The following SPATS2L variants were observed in gnomAD, a reference collection of about 807,000 sequenced individuals.
SPATS2L encodes spermatogenesis associated serine rich 2 like.
SPATS2L carries 30 observed loss-of-function variants against 59.6 expected under a neutral mutation model. The ratio of observed to expected loss-of-function variants is 0.50; its 90% CI spans 0.38 to 0.68. The LOEUF is 0.68. SPATS2L is among the 30% of genes least tolerant of loss of function. The probability of loss-of-function intolerance (pLI) is 0.00; values close to 1 mark genes in which losing one functional copy is unlikely to be tolerated. For missense variants in SPATS2L, 615 were observed against 700.0 expected, an observed-to-expected ratio of 0.88 and a Z score of 1.37; for synonymous variants, 252 against 263.5, an observed-to-expected ratio of 0.96 and a Z score of 0.42.
intron 6 of SPATS2L, among the ~76,000 whole-genome samples, chr2:200,425,004 A>T (rs1216256682): frequency 6.6e-6 from 1 of 151,432 alleles, no homozygotes; most frequent in Non-Finnish European, 1.5e-5. Context: ...TGTCGTTTTT[A>T]CCTTAGCAAT....
At chr2:200,389,135 G>T (rs758519488) in intron 2 of SPATS2L, 88 bp from the exon 3 acceptor site, 22 of 762,362 alleles carry the variant, frequency 2.9e-5, no homozygotes, top group Non-Finnish European at 4.5e-5. Context: ...ATGACCGAAT[G>T]AAGTTGTTTA....
intron 10 of SPATS2L, among the ~76,000 whole-genome samples, chr2:200,468,411 C>T (rs998804652): frequency 2.1e-5 from 3 of 141,128 alleles, no homozygotes; most frequent in African/African-American, 7.8e-5. Flanking sequence ...TTCCAGGAAA[C>T]TAGAGTGGTT....
In SPATS2L at chr2:200,306,733, G is replaced by C. The variant is rs2079024963; in HGVS notation, c.-262G>C. The C allele has an allele frequency of 1.0e-6, 1 of 955,414 alleles. No individual in the cohort carries two copies. The highest frequency in any genetic ancestry group is 1.2e-6 in the Non-Finnish European group (1 of 816,328). The allele number at this position is 955,414 out of a possible 1,614,324, so 59.2% of individuals were successfully genotyped here. A position where few individuals can be genotyped will look rare whatever the true frequency, so the allele number is the denominator to read the frequency against. ...GGAATCCAGTCCGGGGGCCGAGCTGGCTGCGCCCTCCGCTGCAAGCGCCGG... is the reference window on the plus strand; with the variant it reads ...GGAATCCAGTCCGGGGGCCGAGCTGCCTGCGCCCTCCGCTGCAAGCGCCGG... On this transcript the variant is annotated 5_prime_UTR_variant, in exon 1 of 13. Coordinates refer to ENST00000409140, the MANE Select transcript of SPATS2L (RefSeq NM_001100423.2).
At chr2:200,459,086 T>C (rs1001362751) in intron 8 of SPATS2L, among the ~76,000 whole-genome samples, 26 of 152,136 alleles carry the variant, frequency 1.7e-4, no homozygotes, top group African/African-American at 6.0e-4. Flanking sequence ...ACTAGAGAAC[T>C]GGGGGTTGGG....
chr2:200,385,034 A>G (rs768028932), intron 2 of SPATS2L, among the ~76,000 whole-genome samples: 33 of 152,212 alleles, frequency 2.2e-4, no homozygotes, highest in Non-Finnish European at 2.9e-4. Context: ...TTAAATGATA[A>G]TAACAAGGAG....
chr2:200,341,880 T>C (rs1461937694), intron 2 of SPATS2L, among the ~76,000 whole-genome samples: 3 of 151,824 alleles, frequency 2.0e-5, no homozygotes, highest in Non-Finnish European at 4.4e-5. Context: ...TTAGTAGAGA[T>C]GGGGTTTCAC....
At chr2:200,472,706 G>GA in intron 11 of SPATS2L, 126 bp from the exon 12 acceptor site, 1 of 802,232 alleles carries the variant, frequency 1.2e-6, no homozygotes, top group Non-Finnish European at 2.0e-6. Flanking sequence ...TCTTTCAAAA[G>GA]AAAACTTTTT....
intron 6 of SPATS2L, among the ~76,000 whole-genome samples, chr2:200,427,444 T>C (rs2083643695): frequency 6.7e-6 from 1 of 149,920 alleles, no homozygotes; most frequent in South Asian, 2.1e-4. Flanking sequence ...TACATATACA[T>C]ATATATTACA....
Position 200,459,818 on chromosome 2 carries a change from G to C in SPATS2L, c.838G>C (p.Glu280Gln), listed in dbSNP as rs1469694556. ...SLMAEMDKVK[E>Q]EAMEILTARQ... is the part of the protein sequence containing the mutation. ...AATGGCAGAAATGGATAAAGTTAAA[G>C]AAGAAGCCAGTAAGTAGACAACACA... The change falls in exon 9 of 13, where the codon GAA (glutamate) becomes CAA (glutamine). Residue 280 changes from glutamate to glutamine, a missense_variant. By Grantham distance (29) the Glu-to-Gln change is conservative. This residue lies in a region of SPATS2L where 104 missense variants were observed against 162.5 expected (regional missense o/e 0.64). Coordinates refer to ENST00000409140, the MANE Select transcript of SPATS2L (RefSeq NM_001100423.2). The C allele has an allele frequency of 7.4e-6, 12 of 1,610,842 alleles. No homozygotes were observed. The East Asian group carries it at 1.1e-4, about 15-fold the overall frequency.
At chr2:200,391,589 G>A (rs150952382) in intron 3 of SPATS2L, among the ~76,000 whole-genome samples, 1 of 152,306 alleles carries the variant, frequency 6.6e-6, no homozygotes, top group East Asian at 1.9e-4. Flanking sequence ...GCTGTTGGAA[G>A]GTTTTAAGCT....
At chr2:200,400,177 T>C (rs1300857627) in intron 3 of SPATS2L, among the ~76,000 whole-genome samples, 1 of 151,096 alleles carries the variant, frequency 6.6e-6, no homozygotes, top group Non-Finnish European at 1.5e-5. Context: ...CATTTTTTTG[T>C]CCTCAGTAAT....
intron 6 of SPATS2L, among the ~76,000 whole-genome samples, chr2:200,436,212 T>C (rs942138027): frequency 2.0e-5 from 3 of 152,166 alleles, no homozygotes; most frequent in Admixed American, 6.6e-5. Flanking sequence ...GGAAAGTCAC[T>C]GGATACAGTG....
At position 200,477,784 on chromosome 2, in the gene SPATS2L, A is replaced by G. The variant is rs979629652; in HGVS notation, c.1430A>G (p.Asn477Ser). 5.1e-6 allele frequency: 8 copies of G among 1,577,926 alleles called. No individual in the cohort carries two copies. In the African/African-American group the frequency reaches 6.8e-5, roughly 13 times the overall value. Reference sequence around the variant, plus strand: ...CACGAACACAGAAGACAGCCGCACAACGGCTTCCGGCCCAAAAACAAAGGC... The same window carrying G: ...CACGAACACAGAAGACAGCCGCACAGCGGCTTCCGGCCCAAAAACAAAGGC... Reference protein sequence around the residue: ...SRHEHRRQPHNGFRPKNKGGA... With the variant: ...SRHEHRRQPHSGFRPKNKGGA... The change falls in exon 13 of 13, where the codon AAC (asparagine) becomes AGC (serine). Residue 477 changes from asparagine (N) to serine (S), a missense_variant. Physicochemically the swap from Asn to Ser is conservative, Grantham distance 46. Transcript: ENST00000409140.
intron 2 of SPATS2L, among the ~76,000 whole-genome samples, chr2:200,370,827 T>G (rs1422552152): frequency 6.6e-6 from 1 of 152,210 alleles, no homozygotes; most frequent in Non-Finnish European, 1.5e-5. Flanking sequence ...ACATAAATGA[T>G]ATCCTTCAAT....
At chr2:200,395,089 T>C (rs2082289894) in intron 3 of SPATS2L, among the ~76,000 whole-genome samples, 1 of 152,212 alleles carries the variant, frequency 6.6e-6, no homozygotes, top group African/African-American at 2.4e-5. Context: ...ACTAGAAATT[T>C]ATAGATGATT....
At chr2:200,322,902 A>G (rs2079611421) in intron 1 of SPATS2L, among the ~76,000 whole-genome samples, 2 of 152,216 alleles carry the variant, frequency 1.3e-5, no homozygotes, top group African/African-American at 4.8e-5. Flanking sequence ...TAGTCAAGAA[A>G]GCTATCTTTG....
At chr2:200,395,832 G>T (rs762250796) in intron 3 of SPATS2L, among the ~76,000 whole-genome samples, 4 of 150,932 alleles carry the variant, frequency 2.7e-5, no homozygotes, top group African/African-American at 7.3e-5. Context: ...CCAACATGGC[G>T]AAACCCCGTC....
Position 200,479,539 on chromosome 2 carries a change from G to A in SPATS2L, c.*1508G>A, listed in dbSNP as rs889724502. 2.5e-6 allele frequency: 1 copy of A among 398,482 alleles called. No homozygotes were observed. The highest frequency in any genetic ancestry group is 4.4e-6 in the Non-Finnish European group (1 of 226,098). The allele number at this position is 398,482 out of a possible 1,614,324, so 24.7% of individuals were successfully genotyped here. On this transcript the variant is annotated 3_prime_UTR_variant, in exon 13 of 13. Coordinates refer to ENST00000409140, the MANE Select transcript of SPATS2L (RefSeq NM_001100423.2). Reference sequence around the variant, plus strand: ...CTTCCCAGAGTTCCTGAGCTAGATGGAGAAGGGGTACTTCTCAGAAAGGGA... The same window carrying A: ...CTTCCCAGAGTTCCTGAGCTAGATGAAGAAGGGGTACTTCTCAGAAAGGGA...
Position 200,478,949 on chromosome 2 carries a change from G to C in SPATS2L, c.*918G>C, listed in dbSNP as rs2087714495. On this transcript the variant is annotated 3_prime_UTR_variant, in exon 13 of 13. Coordinates refer to ENST00000409140, the MANE Select transcript of SPATS2L (RefSeq NM_001100423.2). ...TGAGACAGTCTTGCTTTGTCACCCA[G>C]GTGGAGTGCAATGGCATGATCTCGG... The C allele has an allele frequency of 6.6e-6, 1 of 151,278 alleles. No homozygotes were observed. The highest frequency in any genetic ancestry group is 1.5e-5 in the Non-Finnish European group (1 of 68,044). The allele number at this position is 151,278 out of a possible 1,614,324, so 9.4% of individuals were successfully genotyped here.
Sources: gnomAD v4.1 joint callset for allele counts (sites outside exome capture counted in the v4.1 genomes callset) on GRCh38, gnomAD v4.1.1 for gene constraint, gnomAD v4.1.1 regional missense constraint, MANE v1.5 for transcripts, NCBI Gene and HGNC (gene_info 2026-07-23, HGNC 2026-07-21) for gene names.